Variants in B2M observed in about 807,000 individuals in gnomAD.
B2M encodes the protein beta-2-microglobulin, also known as beta chain of MHC class I molecules.
A neutral mutation model predicts 14.5 loss-of-function variants in B2M; 3 were observed. That is an observed-to-expected ratio of 0.21 (90% confidence interval 0.09 to 0.53). B2M has a LOEUF of 0.53. Among genes scored for constraint, B2M ranks in the 20% least tolerant of loss-of-function variants. B2M has a pLI of 0.95. For missense variants in B2M, 107 were observed against 140.8 expected, an observed-to-expected ratio of 0.76 and a Z score of 1.21; for synonymous variants, 45 against 52.7, an observed-to-expected ratio of 0.85 and a Z score of 0.64.
At chr15:44,712,926 T>C (rs957271948) in intron 1 of B2M, 1 of 150,306 alleles carries the variant, frequency 6.7e-6, no homozygotes, top group Admixed American at 6.6e-5. Context: ...CTCTTGAGCT[T>C]AGGCTTTTGA....
rs1342052193 is a variant in B2M, at chr15:44,717,808, C to T, written c.*216C>T. ...TCTGAGCAGGTTGCTCCACAGGTAG[C>T]TCTAGGAGGGCTGGCAACTTAGAGG... On this transcript the variant is annotated 3_prime_UTR_variant, in exon 4 of 4. Coordinates refer to ENST00000648006, the MANE Select transcript of B2M (RefSeq NM_004048.4). 1.3e-5 allele frequency: 2 copies of T among 152,196 alleles called. No individual in the cohort carries two copies. The highest frequency in any genetic ancestry group is 2.9e-5 in the Non-Finnish European group (2 of 68,060). 9.4% of individuals were successfully genotyped at this position (152,196 alleles called of 1,614,324 possible).
chr15:44,715,067 G>C (rs147930069), intron 1 of B2M: 49 of 382,388 alleles, frequency 1.3e-4, no homozygotes, highest in African/African-American at 9.9e-4. Flanking sequence ...ATGTGTTAAG[G>C]AATGCTATGA....
intron 1 of B2M, chr15:44,711,882 A>G (rs908743395): frequency 1.7e-6 from 1 of 600,158 alleles, no homozygotes; most frequent in African/African-American, 1.8e-5. Context: ...GGGTCGGGAC[A>G]AAGTTTAGGG....
Position 44,715,623 on chromosome 15 carries a change from T to G in B2M, c.268T>G (p.Phe90Val). 3 of 1,614,174 alleles carry G rather than the reference T, an allele frequency of 1.9e-6. No individual in the cohort carries two copies. Among genetic ancestry groups the G allele is most frequent in the Non-Finnish European group, 2.5e-6 (3 of 1,180,024 alleles). The change falls in exon 2 of 4, where the codon TTC becomes GTC. Residue 90 changes from phenylalanine (F) to valine (V), a missense_variant. By Grantham distance (50) the Phe-to-Val change is conservative (BLOSUM62 -1). Transcript: ENST00000648006. ...TTTCTATCTCTTGTACTACACTGAA[T>G]TCACCCCCACTGAAAAAGATGAGTA... ...WSFYLLYYTE[F>V]TPTEKDEYAC...
intron 1 of B2M, chr15:44,714,563 T>A (rs555121972): frequency 1.3e-5 from 2 of 152,188 alleles, no homozygotes; most frequent in African/African-American, 2.4e-5. Flanking sequence ...AAGACCAGCC[T>A]GGCCAACATG....
At chr15:44,711,927 G>C (rs1440780491) in intron 1 of B2M, 1 of 536,246 alleles carries the variant, frequency 1.9e-6, no homozygotes, top group African/African-American at 1.9e-5. Flanking sequence ...GGTTGGGGGA[G>C]GGTTTCTCTT....
intron 1 of B2M, chr15:44,712,777 T>C (rs2086895703): frequency 6.6e-6 from 1 of 152,210 alleles, no homozygotes; most frequent in African/African-American, 2.4e-5. Flanking sequence ...GGCGGGAGGA[T>C]GGCTTGAGGT....
intron 3 of B2M, 22 bp downstream of exon 3, chr15:44,716,378 A>T: frequency 1.3e-6 from 2 of 1,597,960 alleles, no homozygotes; most frequent in Non-Finnish European, 1.7e-6. Context: ...ACCTTGAGAA[A>T]ATGTTTTTGT....
Position 44,715,787 on chromosome 15 carries a change from T to C in B2M, c.346+86T>C, listed in dbSNP as rs1025411270. ...GCTGCTTTGATATAAAAAAGGTCTA[T>C]GGCCATACTACCCTGAATGAGTCCC... On this transcript the variant is annotated intron_variant, in intron 2 of 3. Transcript: ENST00000648006. 4.7e-6 allele frequency: 7 copies of C among 1,504,334 alleles called. No homozygotes were observed. In the African/African-American group the frequency reaches 9.6e-5, roughly 21 times the overall value. 93.2% of individuals were successfully genotyped at this position (1,504,334 alleles called of 1,614,324 possible).
At chr15:44,716,496 G>A (rs17229438) in intron 3 of B2M, 140 bp downstream of exon 3, 47,743 of 947,384 alleles carry the variant, frequency 0.05, 1,461 homozygotes, top group Non-Finnish European at 0.06. Context: ...ATCCTACAGG[G>A]TCATGTTCCC....
At chr15:44,712,020 G>C (rs528492832) in intron 1 of B2M, 84 of 328,480 alleles carry the variant, frequency 2.6e-4, no homozygotes, top group South Asian at 2.3e-3. Flanking sequence ...GCGGCGCTGA[G>C]GTTTGTGAAC....
In B2M at chr15:44,711,540, G is replaced by C; in HGVS notation, c.-7G>C. The C allele has an allele frequency of 6.2e-7, 1 of 1,613,608 alleles. No individual in the cohort carries two copies. The highest frequency in any genetic ancestry group is 8.5e-7 in the Non-Finnish European group (1 of 1,179,968). On this transcript the variant is annotated 5_prime_UTR_variant, in exon 1 of 4. Transcript: ENST00000648006. Reference sequence around the variant, plus strand: ...GCATTCCTGAAGCTGACAGCATTCGGGCCGAGATGTCTCGCTCCGTGGCCT... The same window carrying C: ...GCATTCCTGAAGCTGACAGCATTCGCGCCGAGATGTCTCGCTCCGTGGCCT...
At chr15:44,715,760 A>C in intron 2 of B2M, 59 bp downstream of exon 2, 1 of 1,599,080 alleles carries the variant, frequency 6.3e-7, no homozygotes, top group Non-Finnish European at 8.6e-7. Flanking sequence ...TCATATCATA[A>C]AGCTGCTTTG....
In B2M at chr15:44,717,857, C is replaced by G. The variant is rs1258469548; in HGVS notation, c.*265C>G. 6.6e-6 allele frequency: 1 copy of G among 152,178 alleles called. No individual in the cohort carries two copies. Among genetic ancestry groups the G allele is most frequent in the African/African-American group, 2.4e-5 (1 of 41,420 alleles). 9.4% of individuals were successfully genotyped at this position (152,178 alleles called of 1,614,324 possible). A position where few individuals can be genotyped will look rare whatever the true frequency, so the allele number is the denominator to read the frequency against. On this transcript the variant is annotated 3_prime_UTR_variant, in exon 4 of 4. Coordinates refer to ENST00000648006, the MANE Select transcript of B2M (RefSeq NM_004048.4). ...GGTGGGGAGCAGAGAATTCTCTTAT[C>G]CAACATCAACATCTTGGTCAGATTT...
At chr15:44,715,774 T>C (rs1415024591) in intron 2 of B2M, 73 bp downstream of exon 2, 2 of 1,578,906 alleles carry the variant, frequency 1.3e-6, no homozygotes, top group African/African-American at 2.7e-5. Context: ...TGCTTTGATA[T>C]AAAAAAGGTC....
In B2M at chr15:44,715,430, A is replaced by G; in HGVS notation, c.75A>G (p.Pro25=). The change falls in exon 2 of 4, where the codon CCA becomes CCG. Residue 25 remains proline (P), a synonymous_variant. Coordinates refer to ENST00000648006, the MANE Select transcript of B2M (RefSeq NM_004048.4). The stretch of plus-strand genomic sequence containing the variant: ...TTTCCCGATATTCCTCAGGTACTCC[A>G]AAGATTCAGGTTTACTCACGTCATC... ...LSGLEAIQRT[P]KIQVYSRHPA... 6.2e-7 allele frequency: 1 copy of G among 1,613,806 alleles called. No individual in the cohort carries two copies. Among genetic ancestry groups the G allele is most frequent in the Non-Finnish European group, 8.5e-7 (1 of 1,179,972 alleles).
At position 44,711,532 on chromosome 15, in the gene B2M, A is replaced by G; in HGVS notation, c.-15A>G. On this transcript the variant is annotated 5_prime_UTR_variant, in exon 1 of 4. Coordinates refer to ENST00000648006, the MANE Select transcript of B2M (RefSeq NM_004048.4). ...GCTGGCGGGCATTCCTGAAGCTGACAGCATTCGGGCCGAGATGTCTCGCTC... is the reference window on the plus strand; with the variant it reads ...GCTGGCGGGCATTCCTGAAGCTGACGGCATTCGGGCCGAGATGTCTCGCTC... The G allele has an allele frequency of 8.1e-6, 13 of 1,613,496 alleles. No homozygotes were observed. The highest frequency in any genetic ancestry group is 1.1e-5 in the Non-Finnish European group (13 of 1,179,950).
At chr15:44,711,692 C>G in intron 1 of B2M, 79 bp downstream of exon 1, 1 of 1,495,902 alleles carries the variant, frequency 6.7e-7, no homozygotes, top group Non-Finnish European at 9.2e-7. Context: ...TGCTCTCTCG[C>G]TCCGTGACTT....
Position 44,711,831 on chromosome 15 carries a change from C to T in B2M, c.67+218C>T. 5.8e-6 allele frequency: 4 copies of T among 688,434 alleles called. No individual in the cohort carries two copies. In the East Asian group the frequency reaches 8.1e-5, roughly 14 times the overall value. The allele number at this position is 688,434 out of a possible 1,614,324, so 42.6% of individuals were successfully genotyped here. A position where few individuals can be genotyped will look rare whatever the true frequency, so the allele number is the denominator to read the frequency against. ...CGGGACGCGCGCTACTTGCCCCTTT[C>T]GGCGGGGAGCAGGGGAGACCTTTGG... On this transcript the variant is annotated intron_variant, in intron 1 of 3. Transcript: ENST00000648006.
Sources: allele counts gnomAD v4.1 joint callset, GRCh38; gene constraint gnomAD v4.1.1; transcripts MANE v1.5; gene names NCBI Gene and HGNC (gene_info 2026-07-23, HGNC 2026-07-21).